CDH13: variants seen among roughly 807,000 people sequenced by gnomAD.
CDH13 encodes the protein cadherin-13.
A neutral mutation model predicts 63.8 loss-of-function variants in CDH13; 24 were observed. The ratio of observed to expected loss-of-function variants is 0.38; its 90% CI spans 0.27 to 0.53. The LOEUF (loss-of-function observed/expected upper bound fraction) is 0.53. Ranked by LOEUF, CDH13 falls within the 20% of genes least tolerant of loss-of-function variation. The probability of loss-of-function intolerance (pLI) is 0.85; values close to 1 mark genes in which losing one functional copy is unlikely to be tolerated. For synonymous variants in CDH13, 503 were observed against 355.3 expected, an observed-to-expected ratio of 1.42 and a Z score of -4.67; for missense variants, 1,049 against 903.1, an observed-to-expected ratio of 1.16 and a Z score of -2.07.
In CDH13 at chr16:83,352,877, G is replaced by A. The variant is rs370496041; in HGVS notation, c.781+7871G>A. Among the ~76,000 whole-genome samples, 14 of 152,288 alleles carry A rather than the reference G, an allele frequency of 9.2e-5. No homozygotes were observed. In the South Asian group the frequency reaches 2.7e-3, roughly 29 times the overall value. ...TGCACTCCAGCCTGGGCGATAGAGC[G>A]AGACTCCGTCTCAAAAAAATAAATA... On this transcript the variant is annotated intron_variant, in intron 6 of 13. Transcript: ENST00000567109.
At chr16:82,670,890 C>T (rs1287308265) in intron 1 of CDH13, among the ~76,000 whole-genome samples, 2 of 152,210 alleles carry the variant, frequency 1.3e-5, no homozygotes, top group Non-Finnish European at 2.9e-5. Flanking sequence ...CCATGGCTGT[C>T]ACTGTTCCTC....
intron 2 of CDH13, chr16:82,954,204 C>G (rs1905711087): frequency 6.6e-6 from 1 of 152,086 alleles, no homozygotes; most frequent in African/African-American, 2.4e-5. Context: ...TGAGTTGTAC[C>G]ACACAATCAG....
chr16:82,932,390 G>A (rs1031433525), intron 2 of CDH13, among the ~76,000 whole-genome samples: 1 of 152,130 alleles, frequency 6.6e-6, no homozygotes, highest in African/African-American at 2.4e-5. Context: ...CCGCTGAAGA[G>A]GTAAAGAGAT....
chr16:83,370,478 G>C (rs984594596), intron 6 of CDH13, among the ~76,000 whole-genome samples: 4 of 147,468 alleles, frequency 2.7e-5, no homozygotes, highest in African/African-American at 1.0e-4. Context: ...TTTAACTTTT[G>C]TTTTAGGTTC....
intron 3 of CDH13, among the ~76,000 whole-genome samples, chr16:83,109,072 C>T (rs900114827): frequency 6.6e-6 from 1 of 152,178 alleles, no homozygotes; most frequent in African/African-American, 2.4e-5. Context: ...GGAGCACAGA[C>T]TAAGAGTATT....
chr16:83,389,955 C>T (rs1238574092), intron 6 of CDH13, among the ~76,000 whole-genome samples: 3 of 152,152 alleles, frequency 2.0e-5, no homozygotes, highest in Non-Finnish European at 2.9e-5. Flanking sequence ...GATCTGAGCT[C>T]GGCTGTTTAT....
chr16:83,096,250 C>A (rs141958413), intron 3 of CDH13, among the ~76,000 whole-genome samples: 1 of 152,236 alleles, frequency 6.6e-6, no homozygotes, highest in East Asian at 1.9e-4. Context: ...GTTCAGCAAC[C>A]GACCATCATG....
chr16:83,431,817 G>A (rs1044083278), intron 6 of CDH13, among the ~76,000 whole-genome samples: 7 of 152,072 alleles, frequency 4.6e-5, no homozygotes, highest in African/African-American at 7.2e-5. Flanking sequence ...ATCGCCTCCC[G>A]CCAGGCCCCA....
In CDH13 at chr16:83,077,962, C is replaced by G. The variant is rs149709474; in HGVS notation, c.366+45744C>G. Among the ~76,000 whole-genome samples, 611 of 152,082 alleles carry G rather than the reference C, an allele frequency of 4.0e-3. 3 individuals are homozygous for G. The highest frequency in any genetic ancestry group is 5.2e-3 in the Admixed American group (79 of 15,300). Reference sequence around the variant, plus strand: ...GTTACCCTAACTACCCATATGTATGCTTATTGACCATTCTGTTCTGTTCTG... The same window carrying G: ...GTTACCCTAACTACCCATATGTATGGTTATTGACCATTCTGTTCTGTTCTG... On this transcript the variant is annotated intron_variant, in intron 3 of 13. Transcript: ENST00000567109.
intron 1 of CDH13, among the ~76,000 whole-genome samples, chr16:82,776,256 AGGG>A (rs2035491381): frequency 8.7e-6 from 1 of 115,502 alleles, no homozygotes; most frequent in Non-Finnish European, 1.9e-5. Context: ...TAAGGGAGGG[AGGG>A]AGGGAGGAGA....
intron 2 of CDH13, among the ~76,000 whole-genome samples, chr16:82,885,194 G>T (rs1322195955): frequency 1.2e-4 from 18 of 152,200 alleles, no homozygotes; most frequent in Non-Finnish European, 5.9e-5. Context: ...TACTCTTATG[G>T]CTTTGCATTG....
At chr16:82,810,925 A>G (rs1025689806) in intron 1 of CDH13, among the ~76,000 whole-genome samples, 3 of 152,112 alleles carry the variant, frequency 2.0e-5, no homozygotes, top group Non-Finnish European at 2.9e-5. Context: ...TGCAATTATT[A>G]GTTGGAGAAC....
At chr16:83,080,525 C>T (rs1455991994) in intron 3 of CDH13, among the ~76,000 whole-genome samples, 2 of 152,232 alleles carry the variant, frequency 1.3e-5, no homozygotes, top group Admixed American at 1.3e-4. Flanking sequence ...CTAATGCAAT[C>T]CTTGGGACAG....
rs560894746 is a variant in CDH13, at chr16:83,386,261, G to C, written c.781+41255G>C. On this transcript the variant is annotated intron_variant, in intron 6 of 13. Coordinates refer to ENST00000567109, the MANE Select transcript of CDH13 (RefSeq NM_001257.5). ...AAAAGATGTGTGGCCACGATCTCTT[G>C]ACCGAATCCAGCATCAGAATCCACC... 5.3e-5 allele frequency among the ~76,000 whole-genome samples: 8 copies of C among 152,282 alleles called. No individual in the cohort carries two copies. In the East Asian group the frequency reaches 1.4e-3, roughly 26 times the overall value.
chr16:83,653,504 G>GAA (rs559409186), intron 8 of CDH13, among the ~76,000 whole-genome samples: 143 of 150,284 alleles, frequency 9.5e-4, no homozygotes, highest in African/African-American at 3.2e-3. Context: ...TCTTTCTAGG[G>GAA]AAAAAAAACT....
At chr16:83,419,807 A>G (rs911853087) in intron 6 of CDH13, among the ~76,000 whole-genome samples, 1 of 152,218 alleles carries the variant, frequency 6.6e-6, no homozygotes, top group East Asian at 1.9e-4. Flanking sequence ...CAGCAGGTTT[A>G]GGAGTCACCT....
chr16:83,115,129 A>T (rs908380577), intron 3 of CDH13, among the ~76,000 whole-genome samples: 3 of 152,182 alleles, frequency 2.0e-5, no homozygotes, highest in African/African-American at 7.2e-5. Flanking sequence ...CTCCTTGAAA[A>T]GGTAGTCTCC....
intron 5 of CDH13, among the ~76,000 whole-genome samples, chr16:83,226,907 C>T (rs1342689480): frequency 1.3e-5 from 2 of 152,106 alleles, no homozygotes; most frequent in African/African-American, 4.8e-5. Context: ...ATGCCTTCAG[C>T]TATCAGCATA....
At chr16:83,483,355 G>A (rs923645520) in intron 6 of CDH13, among the ~76,000 whole-genome samples, 1 of 151,992 alleles carries the variant, frequency 6.6e-6, no homozygotes, top group Admixed American at 6.6e-5. Context: ...GTGTATGCTT[G>A]GGAATATTCC....
Sources: allele counts gnomAD v4.1 joint callset (sites outside exome capture counted in the v4.1 genomes callset), GRCh38; gene constraint gnomAD v4.1.1; transcripts MANE v1.5; gene names NCBI Gene and HGNC (gene_info 2026-07-23, HGNC 2026-07-21).